The following KLHL24 variants were observed in gnomAD, a reference collection of about 807,000 sequenced individuals.
KLHL24 encodes kelch like family member 24, also known as kelch-like protein 24.
A neutral mutation model predicts 53.4 loss-of-function variants in KLHL24; 29 were observed. The ratio of observed to expected loss-of-function variants is 0.54; its 90% confidence interval spans 0.40 to 0.74. The LOEUF (loss-of-function observed/expected upper bound fraction) is 0.74, where lower values mean the gene tolerates loss of function less well. Ranked by LOEUF, KLHL24 falls within the 30% of genes least tolerant of loss-of-function variation. KLHL24 has a pLI of 0.00. For synonymous variants in KLHL24, 222 were observed against 253.7 expected, an observed-to-expected ratio of 0.88 and a Z score of 1.19; for missense variants, 504 against 744.0, an observed-to-expected ratio of 0.68 and a Z score of 3.75.
At position 183,684,280 on chromosome 3, in the gene KLHL24, C is replaced by T. The variant is rs988543948; in HGVS notation, c.*4994C>T. The T allele has an allele frequency of 6.6e-6, 1 of 152,548 alleles. No homozygotes were observed. Among genetic ancestry groups the T allele is most frequent in the Non-Finnish European group, 1.5e-5 (1 of 68,022 alleles). 9.4% of individuals were successfully genotyped at this position (152,548 alleles called of 1,614,324 possible). A position where few individuals can be genotyped will look rare whatever the true frequency, so the allele number is the denominator to read the frequency against. On this transcript the variant is annotated 3_prime_UTR_variant, in exon 8 of 8. Transcript: ENST00000242810. Reference sequence around the variant, plus strand: ...TTGAACAAAAGTATAATCTGCTTTACAACTAGTATAGACCTAAGGTCATTT... The same window carrying T: ...TTGAACAAAAGTATAATCTGCTTTATAACTAGTATAGACCTAAGGTCATTT...
chr3:183,645,356 A>T (rs1191410373), intron 2 of KLHL24, among the ~76,000 whole-genome samples: 1 of 152,258 alleles, frequency 6.6e-6, no homozygotes, highest in Non-Finnish European at 1.5e-5. Context: ...ATAACTTCAA[A>T]TTAAAAGCAT....
chr3:183,664,840 C>A, intron 4 of KLHL24, 81 bp from the exon 5 acceptor site: 1 of 668,394 alleles, frequency 1.5e-6, no homozygotes, highest in Non-Finnish European at 2.5e-6. Context: ...GTTTTCTTTA[C>A]CTATGCCTTG....
At chr3:183,671,795 G>C (rs981947757) in intron 6 of KLHL24, among the ~76,000 whole-genome samples, 4 of 152,190 alleles carry the variant, frequency 2.6e-5, no homozygotes, top group African/African-American at 9.7e-5. Context: ...ACTGTTAACT[G>C]AATTTTGTCA....
At chr3:183,636,527 C>G (rs536978146) in intron 1 of KLHL24, 18 of 152,332 alleles carry the variant, frequency 1.2e-4, no homozygotes, top group African/African-American at 4.1e-4. Flanking sequence ...ACCTCCCCAC[C>G]TTCTTACCAC....
In KLHL24 at chr3:183,679,367, C is replaced by A. The variant is rs909333512; in HGVS notation, c.*81C>A. 4.3e-6 allele frequency: 4 copies of A among 936,388 alleles called. No homozygotes were observed. The East Asian group carries it at 7.6e-5, about 18-fold the overall frequency. The allele number at this position is 936,388 out of a possible 1,614,324, so 58.0% of individuals were successfully genotyped here. ...ACTCTACAGTGGGAACTTCACATAT[C>A]TCCTTTGTGCCATATGCAAAAAATA... On this transcript the variant is annotated 3_prime_UTR_variant, in exon 8 of 8. Transcript: ENST00000242810.
At position 183,640,593 on chromosome 3, in the gene KLHL24, CTTTTTTCT is replaced by C. The variant is rs753304316; in HGVS notation, c.-124-2880_-124-2873del. 2.1e-5 allele frequency among the ~76,000 whole-genome samples: 3 copies of C among 144,824 alleles called. No individual in the cohort carries two copies. The South Asian group carries it at 6.5e-4, about 31-fold the overall frequency. On this transcript the variant is annotated intron_variant, in intron 1 of 7. Transcript: ENST00000242810. ...TTACCTTTTCTTTTTTTTCTTTTTTCTTTTTTCTTTTTTTTTTTTTTTTTGAGACAGAG... is the reference window on the plus strand; with the variant it reads ...TTACCTTTTCTTTTTTTTCTTTTTTCTTTTTTTTTTTTTTTTGAGACAGAG...
At chr3:183,647,198 A>C (rs1392687839) in intron 2 of KLHL24, among the ~76,000 whole-genome samples, 2 of 151,610 alleles carry the variant, frequency 1.3e-5, no homozygotes, top group Non-Finnish European at 2.9e-5. Flanking sequence ...AGGCGGGTGG[A>C]TCACGAGGTC....
At chr3:183,660,123 TTTTC>T (rs1175726278) in intron 3 of KLHL24, among the ~76,000 whole-genome samples, 2 of 141,240 alleles carry the variant, frequency 1.4e-5, no homozygotes, top group Admixed American at 7.2e-5. Context: ...CCTTTGGCGT[TTTTC>T]TTTCTTTTTT....
chr3:183,669,867 G>A (rs950350685), intron 5 of KLHL24, among the ~76,000 whole-genome samples: 1 of 152,178 alleles, frequency 6.6e-6, no homozygotes, highest in African/African-American at 2.4e-5. Context: ...AGGGGTATAT[G>A]TGAAAGATGC....
At chr3:183,651,368 A>G (rs1467645343) in intron 3 of KLHL24, 92 bp downstream of exon 3, 2 of 811,774 alleles carry the variant, frequency 2.5e-6, no homozygotes, top group East Asian at 2.7e-5. Flanking sequence ...ATTTATATGC[A>G]CTGTCTACCT....
intron 3 of KLHL24, among the ~76,000 whole-genome samples, chr3:183,659,682 A>G (rs1466138333): frequency 1.3e-5 from 2 of 152,200 alleles, no homozygotes; most frequent in African/African-American, 4.8e-5. Context: ...TTTTCTCTGC[A>G]TGTCTGCATC....
intron 2 of KLHL24, among the ~76,000 whole-genome samples, chr3:183,645,929 A>C (rs1422301537): frequency 6.6e-6 from 1 of 152,220 alleles, no homozygotes; most frequent in Non-Finnish European, 1.5e-5. Flanking sequence ...ATATGTGTTC[A>C]TTTAAATAGG....
Position 183,683,869 on chromosome 3 carries a change from CCTT to C in KLHL24, c.*4587_*4589del, listed in dbSNP as rs1258652254. The C allele has an allele frequency of 2.0e-5, 3 of 152,588 alleles. No homozygotes were observed. The highest frequency in any genetic ancestry group is 3.9e-4 in the East Asian group (2 of 5,176). 9.5% of individuals were successfully genotyped at this position (152,588 alleles called of 1,614,324 possible). ...TTTCCTATAGAGTAAATAAACTTCC[CCTT>C]CTTAAATTGTGTAATAAGCACCAAC... On this transcript the variant is annotated 3_prime_UTR_variant, in exon 8 of 8. Transcript: ENST00000242810.
In KLHL24 at chr3:183,663,825, G is replaced by T. The variant is rs745982147; in HGVS notation, c.1105+183G>T. On this transcript the variant is annotated intron_variant, in intron 4 of 7. Transcript: ENST00000242810. This position sits in a 1 kb window ranked among gnomAD's most constrained non-coding sequence, Gnocchi z 4.9. ...AACAGGTACAAGGCCAGGCGCGGTG[G>T]CTCACGCCTGTAATCCCAGCACTTT... Among the ~76,000 whole-genome samples, 1 of 152,268 alleles carries T rather than the reference G, an allele frequency of 6.6e-6. No homozygotes were observed. Among genetic ancestry groups the T allele is most frequent in the East Asian group, 1.9e-4 (1 of 5,188 alleles).
At chr3:183,665,478 C>T (rs1249612942) in intron 5 of KLHL24, among the ~76,000 whole-genome samples, 4 of 152,168 alleles carry the variant, frequency 2.6e-5, no homozygotes, top group African/African-American at 9.7e-5. Context: ...AGGCCAGGCA[C>T]GTTGGCTCAC....
At chr3:183,668,264 A>T (rs1297628202) in intron 5 of KLHL24, among the ~76,000 whole-genome samples, 2 of 152,052 alleles carry the variant, frequency 1.3e-5, no homozygotes, top group East Asian at 3.8e-4. Context: ...TTGGAAGGAG[A>T]TGCTGATACA....
intron 3 of KLHL24, 133 bp downstream of exon 3, chr3:183,651,409 G>T: frequency 1.6e-6 from 1 of 634,676 alleles, no homozygotes; most frequent in South Asian, 2.2e-5. Context: ...ATTTATTTTG[G>T]ATTATATGTC....
At chr3:183,662,348 A>G (rs1019601274) in intron 3 of KLHL24, among the ~76,000 whole-genome samples, 8 of 152,166 alleles carry the variant, frequency 5.3e-5, no homozygotes, top group African/African-American at 1.7e-4. Context: ...GTAATTGTGT[A>G]ACAGCACACT....
At chr3:183,651,415 A>G (rs953838824) in intron 3 of KLHL24, 139 bp downstream of exon 3, 39 of 626,138 alleles carry the variant, frequency 6.2e-5, no homozygotes, top group Non-Finnish European at 7.9e-5. Flanking sequence ...TTTGGATTAT[A>G]TGTCACTAGA....
Sources: gnomAD v4.1 joint callset for allele counts (sites outside exome capture counted in the v4.1 genomes callset) on GRCh38, gnomAD v4.1.1 for gene constraint, Gnocchi (gnomAD v3.1) non-coding constraint, MANE v1.5 for transcripts, NCBI Gene and HGNC (gene_info 2026-07-23, HGNC 2026-07-21) for gene names.